Variants in MAP3K9 observed in about 807,000 individuals in gnomAD.
MAP3K9 encodes the protein mitogen-activated protein kinase kinase kinase 9.
In MAP3K9, 46 loss-of-function variants were observed where a neutral mutation model predicts 95.8. That is an observed-to-expected ratio of 0.48 (90% CI 0.38 to 0.61). The LOEUF is 0.61. MAP3K9 is among the 20% of genes least tolerant of loss of function. The pLI is 0.00. For missense variants in MAP3K9, 1,296 were observed against 1,474.3 expected, an observed-to-expected ratio of 0.88 and a Z score of 1.98; for synonymous variants, 533 against 593.8, an observed-to-expected ratio of 0.90 and a Z score of 1.49.
intron 10 of MAP3K9, 59 bp downstream of exon 10, chr14:70,734,327 C>T (rs1379338261): frequency 4.1e-6 from 5 of 1,225,144 alleles, no homozygotes; most frequent in Non-Finnish European, 6.1e-6. Flanking sequence ...GAAGCTTGGG[C>T]AAGAATGCCC....
chr14:70,754,553 G>A (rs1040131283), intron 3 of MAP3K9, among the ~76,000 whole-genome samples: 2 of 152,072 alleles, frequency 1.3e-5, no homozygotes, highest in Admixed American at 1.3e-4. Context: ...CTCACTGCAA[G>A]CTCCACCTCC....
intron 10 of MAP3K9, chr14:70,733,880 CTT>C: frequency 1.4e-6 from 1 of 709,150 alleles, no homozygotes; most frequent in Non-Finnish European, 2.6e-6. Context: ...GAGAGGGACA[CTT>C]TTTCTCCTCT....
rs1464177559 is a variant in MAP3K9 at position 70,750,034 on chromosome 14, C to T, written c.1049G>A (p.Arg350Gln). The T allele has an allele frequency of 2.5e-6, 4 of 1,614,166 alleles. No individual in the cohort carries two copies. Among genetic ancestry groups the T allele is most frequent in the East Asian group, 2.2e-5 (1 of 44,886 alleles). Reference protein sequence around the residue: ...WELLTGEVPFRGIDGLAVAYG... With the variant: ...WELLTGEVPFQGIDGLAVAYG... ...AGCGACTGCTAAGCCATCAATGCCTCGAAAGGGCACCTCACCAGTCAGCAA... is the reference window on the plus strand; with the variant it reads ...AGCGACTGCTAAGCCATCAATGCCTTGAAAGGGCACCTCACCAGTCAGCAA... Residue 350 changes from arginine to glutamine, a missense_variant, in exon 4 of 12, where the codon CGA becomes CAA. By Grantham distance (43) the Arg-to-Gln change is conservative. Around this residue, in one of 5 missense-constraint regions of MAP3K9, gnomAD observed 136 missense variants for 221.5 expected, o/e 0.61. Coordinates refer to ENST00000554752, the MANE Select transcript of MAP3K9 (RefSeq NM_001284230.2).
In MAP3K9 at chr14:70,749,018, G is replaced by A. The variant is rs1367413247; in HGVS notation, c.1151-14C>T. ...GATTCCAGCAGTCTGAATAGAACAT[G>A]TGAATACTCAGAAAGCATGAATGGA... On this transcript the variant is annotated splice_polypyrimidine_tract_variant and intron_variant, in intron 4 of 11. Transcript: ENST00000554752. 1.2e-6 allele frequency: 2 copies of A among 1,604,730 alleles called. No individual in the cohort carries two copies. Among genetic ancestry groups the A allele is most frequent in the African/African-American group, 2.7e-5 (2 of 74,604 alleles).
chr14:70,745,268 AGAAAG>A lies in MAP3K9; in HGVS notation c.1327-2682_1327-2678del, dbSNP rs924900878. ...ATTCTGGATTAAAACAAAATAGTGT[AGAAAG>A]GGAACCTGGAGCTAGAAAACAAGCA... On this transcript the variant is annotated intron_variant, in intron 5 of 11. Coordinates refer to ENST00000554752, the MANE Select transcript of MAP3K9 (RefSeq NM_001284230.2). 9.2e-4 allele frequency among the ~76,000 whole-genome samples: 140 copies of A among 152,334 alleles called. 1 individual carries two copies. The highest frequency in any genetic ancestry group is 3.2e-3 in the African/African-American group (133 of 41,574).
rs2053849893 is a variant in MAP3K9 at position 70,728,426 on chromosome 14, A to G, written c.*1954T>C. 1 of 152,128 alleles carries G rather than the reference A, an allele frequency of 6.6e-6. No individual in the cohort carries two copies. Among genetic ancestry groups the G allele is most frequent in the South Asian group, 2.1e-4 (1 of 4,818 alleles). 9.4% of individuals were successfully genotyped at this position (152,128 alleles called of 1,614,324 possible). A position where few individuals can be genotyped will look rare whatever the true frequency, so the allele number is the denominator to read the frequency against. On this transcript the variant is annotated 3_prime_UTR_variant, in exon 12 of 12. Coordinates refer to ENST00000554752, the MANE Select transcript of MAP3K9 (RefSeq NM_001284230.2). ...GGCGTGAGCCACCGCGCCCTGTCAG[A>G]ACAAACTTTGTATGTACTTCTCCCC...
chr14:70,785,947 G>C (rs1476521201), intron 2 of MAP3K9, among the ~76,000 whole-genome samples: 1 of 152,196 alleles, frequency 6.6e-6, no homozygotes, highest in Non-Finnish European at 1.5e-5. Context: ...TGAAATGGCA[G>C]ATAAGAGGGG....
chr14:70,755,217 A>G (rs2054282337), intron 3 of MAP3K9, among the ~76,000 whole-genome samples: 1 of 152,184 alleles, frequency 6.6e-6, no homozygotes, highest in Non-Finnish European at 1.5e-5. Context: ...AGTGAGTTAC[A>G]AGTCAGTTTG....
rs1050143314 is a variant in MAP3K9, at chr14:70,726,001, T to C, written c.*4379A>G. ...TTCACAGTAGGCTTCTGAAGTCCAG[T>C]GAGGGGAAAAGATATGTGCAAATTC... On this transcript the variant is annotated 3_prime_UTR_variant, in exon 12 of 12. Transcript: ENST00000554752. 3.9e-5 allele frequency: 6 copies of C among 152,126 alleles called. No individual in the cohort carries two copies. Among genetic ancestry groups the C allele is most frequent in the Admixed American group, 1.3e-4 (2 of 15,270 alleles). The allele number at this position is 152,126 out of a possible 1,614,324, so 9.4% of individuals were successfully genotyped here.
chr14:70,766,246 G>T (rs568896170), intron 2 of MAP3K9, among the ~76,000 whole-genome samples: 1 of 152,230 alleles, frequency 6.6e-6, no homozygotes, highest in South Asian at 2.1e-4. Context: ...TAAATCCTAG[G>T]CTTGACACTC....
Position 70,749,622 on chromosome 14 carries a change from G to A in MAP3K9, c.1150+311C>T, listed in dbSNP as rs150081871. ...TAAGATGTTCTTCACGTCTCTTAAG[G>A]TATTCAGAGGTCCTGACATAAAAGT... On this transcript the variant is annotated intron_variant, in intron 4 of 11. Coordinates refer to ENST00000554752, the MANE Select transcript of MAP3K9 (RefSeq NM_001284230.2). 508 of 279,564 alleles carry A rather than the reference G, an allele frequency of 1.8e-3. 2 individuals are homozygous for A. The highest frequency in any genetic ancestry group is 0.01 in the African/African-American group (468 of 46,104). The allele number at this position is 279,564 out of a possible 1,614,324, so 17.3% of individuals were successfully genotyped here.
At chr14:70,743,424 C>T (rs2054103447) in intron 5 of MAP3K9, among the ~76,000 whole-genome samples, 1 of 151,962 alleles carries the variant, frequency 6.6e-6, no homozygotes, top group African/African-American at 2.4e-5. Context: ...GAATAGGCAA[C>T]CTACAGAATG....
At chr14:70,772,177 T>G (rs1279278858) in intron 2 of MAP3K9, among the ~76,000 whole-genome samples, 1 of 152,118 alleles carries the variant, frequency 6.6e-6, no homozygotes, top group Non-Finnish European at 1.5e-5. Flanking sequence ...GCTTCCGCAT[T>G]GTCAGCAGAG....
intron 6 of MAP3K9, 84 bp from the exon 7 acceptor site, chr14:70,740,248 C>T: frequency 7.1e-7 from 1 of 1,417,940 alleles, no homozygotes; most frequent in Non-Finnish European, 9.6e-7. Context: ...TCCTCAGCAT[C>T]CTTGAGGGAC....
intron 1 of MAP3K9, among the ~76,000 whole-genome samples, chr14:70,803,831 T>C (rs2139866405): frequency 6.6e-6 from 1 of 152,338 alleles, no homozygotes. Flanking sequence ...ATAATCCTTC[T>C]AGCACAAATT....
intron 1 of MAP3K9, among the ~76,000 whole-genome samples, chr14:70,802,008 G>C (rs1402103945): frequency 6.6e-6 from 1 of 152,136 alleles, no homozygotes; most frequent in East Asian, 1.9e-4. Flanking sequence ...CCATTCTGAG[G>C]GGCTTGAACA....
At chr14:70,774,396 T>G (rs1473505140) in intron 2 of MAP3K9, among the ~76,000 whole-genome samples, 2 of 152,244 alleles carry the variant, frequency 1.3e-5, no homozygotes, top group African/African-American at 2.4e-5. Flanking sequence ...CTGGGCGCGG[T>G]GGCTCACGCC....
chr14:70,750,666 G>A (rs1357960725), intron 3 of MAP3K9, among the ~76,000 whole-genome samples: 2 of 152,036 alleles, frequency 1.3e-5, no homozygotes, highest in Non-Finnish European at 2.9e-5. Context: ...TGTATTTTTA[G>A]TAGAGACAGG....
chr14:70,731,579 T>C (rs1306407998), intron 11 of MAP3K9, among the ~76,000 whole-genome samples: 1 of 152,232 alleles, frequency 6.6e-6, no homozygotes. Flanking sequence ...ATATTTACTA[T>C]CTGGCCCTTC....
Sources: gnomAD v4.1 joint callset for allele counts (sites outside exome capture counted in the v4.1 genomes callset) on GRCh38, gnomAD v4.1.1 for gene constraint, gnomAD v4.1.1 regional missense constraint, MANE v1.5 for transcripts, NCBI Gene and HGNC (gene_info 2026-07-23, HGNC 2026-07-21) for gene names.